Variants in CLMP observed in about 807,000 individuals in gnomAD.
CLMP encodes the protein CXADR like cell adhesion molecule, also known as CXADR-like membrane protein.
A neutral mutation model predicts 45.2 loss-of-function variants in CLMP; 27 were observed. The ratio of observed to expected loss-of-function variants is 0.60; its 90% CI spans 0.44 to 0.82. The LOEUF is 0.82. CLMP is among the 40% of genes least tolerant of loss of function. The pLI is 0.00. For synonymous variants in CLMP, 167 were observed against 171.4 expected (o/e 0.97, Z 0.20); for missense variants, 403 against 448.4 (o/e 0.90, Z 0.91).
intron 1 of CLMP, among the ~76,000 whole-genome samples, chr11:123,132,091 T>A (rs4442564): frequency 1.3e-5 from 2 of 151,838 alleles, no homozygotes; most frequent in African/African-American, 4.8e-5. Context: ...TGCGGGGGGG[T>A]CTATGTGTAA....
chr11:123,174,217 G>A (rs952796549), intron 1 of CLMP, among the ~76,000 whole-genome samples: 1 of 152,194 alleles, frequency 6.6e-6, no homozygotes. Context: ...CTTCCTACAC[G>A]TAATTACATG....
chr11:123,110,418 C>CA (rs1345269669), intron 1 of CLMP, among the ~76,000 whole-genome samples: 1 of 149,430 alleles, frequency 6.7e-6, no homozygotes, highest in Non-Finnish European at 1.5e-5. Context: ...TGTGTCACTG[C>CA]ACACCAGCCT....
At chr11:123,162,896 C>A (rs950842155) in intron 1 of CLMP, among the ~76,000 whole-genome samples, 4 of 150,942 alleles carry the variant, frequency 2.7e-5, no homozygotes, top group Admixed American at 6.6e-5. Context: ...TAGAGTGAGA[C>A]CCTGTCTCAA....
At chr11:123,110,550 T>G (rs1860623962) in intron 1 of CLMP, among the ~76,000 whole-genome samples, 2 of 151,414 alleles carry the variant, frequency 1.3e-5, no homozygotes. Context: ...ACTCAGGAAG[T>G]GCAGGCTGTA....
intron 1 of CLMP, among the ~76,000 whole-genome samples, chr11:123,190,520 T>A (rs1163538356): frequency 6.6e-6 from 1 of 152,190 alleles, no homozygotes; most frequent in South Asian, 2.1e-4. Flanking sequence ...GTGGTATGAT[T>A]TTCCTAGGCT....
chr11:123,118,918 A>ATTTTC (rs1191529818), intron 1 of CLMP, among the ~76,000 whole-genome samples: 2,711 of 130,276 alleles, frequency 0.021, 184 homozygotes, highest in Non-Finnish European at 0.021. Context: ...TGATCTTTGC[A>ATTTTC]TTTTCTTTTC....
At chr11:123,148,944 C>T (rs919831860) in intron 1 of CLMP, among the ~76,000 whole-genome samples, 60 of 152,300 alleles carry the variant, frequency 3.9e-4, no homozygotes, top group Admixed American at 3.7e-3. Context: ...CTACCTCTAC[C>T]GTGTCATGGG....
intron 5 of CLMP, among the ~76,000 whole-genome samples, chr11:123,076,991 C>CT (rs869224079): frequency 0.018 from 1,822 of 99,568 alleles, 15 homozygotes; most frequent in Non-Finnish European, 0.025. Flanking sequence ...GCTATTTATT[C>CT]TTTTTTTTTT....
chr11:123,078,149 G>T (rs756868427), intron 5 of CLMP, among the ~76,000 whole-genome samples: 1 of 152,074 alleles, frequency 6.6e-6, no homozygotes, highest in Non-Finnish European at 1.5e-5. Context: ...TATGTATTTG[G>T]ACACTTGGGG....
chr11:123,135,176 C>T (rs932996825), intron 1 of CLMP, among the ~76,000 whole-genome samples: 2 of 150,332 alleles, frequency 1.3e-5, no homozygotes, highest in Non-Finnish European at 2.9e-5. Context: ...AGGAGAATGG[C>T]TTGAACCCGG....
In CLMP at chr11:123,097,212, T is replaced by C. The variant is rs139624126; in HGVS notation, c.186+583A>G. Among the ~76,000 whole-genome samples the C allele has an allele frequency of 7.5e-4, 113 of 151,390 alleles. 1 individual carries two copies. The highest frequency in any genetic ancestry group is 2.6e-3 in the African/African-American group (109 of 41,182). On this transcript the variant is annotated intron_variant, in intron 2 of 6. Transcript: ENST00000448775. ...CTGTATTGCCCAGGCTCAAGTGCAGTGGCTATTTACAGGTGTGATCATAGC... is the reference window on the plus strand; with the variant it reads ...CTGTATTGCCCAGGCTCAAGTGCAGCGGCTATTTACAGGTGTGATCATAGC...
intron 1 of CLMP, among the ~76,000 whole-genome samples, chr11:123,119,256 T>G (rs1860778664): frequency 6.6e-6 from 1 of 151,760 alleles, no homozygotes; most frequent in Non-Finnish European, 1.5e-5. Flanking sequence ...GCTAATTTTG[T>G]ATTTTTAGTA....
chr11:123,141,974 A>C (rs868041022), intron 1 of CLMP, among the ~76,000 whole-genome samples: 7 of 143,988 alleles, frequency 4.9e-5, no homozygotes, highest in African/African-American at 1.6e-4. Context: ...GCTAACCAAA[A>C]TCCCCCCAGC....
intron 1 of CLMP, among the ~76,000 whole-genome samples, chr11:123,157,247 T>C (rs769695483): frequency 3.3e-5 from 5 of 152,172 alleles, no homozygotes; most frequent in Non-Finnish European, 7.3e-5. Context: ...GCAACCTCTT[T>C]ATATCATGAA....
chr11:123,071,930 C>A lies in CLMP; in HGVS notation c.*1544G>T, dbSNP rs1413238744. ...CTCCCATTCATCAACTCTTCAGCAG[C>A]TATCCTGGTGAGTTATTTTTGCTAA... On this transcript the variant is annotated 3_prime_UTR_variant, in exon 7 of 7. Transcript: ENST00000448775. 2 of 152,244 alleles carry A rather than the reference C, an allele frequency of 1.3e-5. No homozygotes were observed. Among genetic ancestry groups the A allele is most frequent in the African/African-American group, 4.8e-5 (2 of 41,460 alleles). 9.4% of individuals were successfully genotyped at this position (152,244 alleles called of 1,614,324 possible).
At position 123,073,606 on chromosome 11, in the gene CLMP, G is replaced by C; in HGVS notation, c.990C>G (p.Thr330=). 6.2e-7 allele frequency: 1 copy of C among 1,614,216 alleles called. No individual in the cohort carries two copies. Among genetic ancestry groups the C allele is most frequent in the Middle Eastern group, 1.6e-4 (1 of 6,062 alleles). ...TDAAPQPGLA[T]QAYSLVGPEV... ...CTGGCCCCACTAGGCTGTATGCCTG[G>C]GTGGCCAGCCCTGGCTGGGGTGCTG... The change falls in exon 7 of 7, where the codon ACC becomes ACG. Residue 330 remains threonine (T), a synonymous_variant. Transcript: ENST00000448775.
intron 1 of CLMP, among the ~76,000 whole-genome samples, chr11:123,175,754 G>T (rs1379941821): frequency 3.3e-5 from 5 of 152,280 alleles, no homozygotes; most frequent in South Asian, 2.1e-4. Flanking sequence ...CAACTCAATG[G>T]GTTCCATATA....
rs552753029 is a variant in CLMP at position 123,178,852 on chromosome 11, G to A, written c.28+16061C>T. 3.0e-4 allele frequency among the ~76,000 whole-genome samples: 45 copies of A among 152,260 alleles called. No individual in the cohort carries two copies. In the South Asian group the frequency reaches 8.9e-3, roughly 30 times the overall value. On this transcript the variant is annotated intron_variant, in intron 1 of 6. Coordinates refer to ENST00000448775, the MANE Select transcript of CLMP (RefSeq NM_024769.5). ...TCCTCTGAGCCTCAGTTTACGTATT[G>A]GTAGAATGAGGATTGGTGCTTTGTA...
chr11:123,129,346 A>AAT (rs1367445932), intron 1 of CLMP, among the ~76,000 whole-genome samples: 2 of 133,296 alleles, frequency 1.5e-5, no homozygotes, highest in African/African-American at 2.9e-5. Flanking sequence ...ATATATATAA[A>AAT]ATATATCATA....
Sources: gnomAD v4.1 joint callset for allele counts (sites outside exome capture counted in the v4.1 genomes callset) on GRCh38, gnomAD v4.1.1 for gene constraint, MANE v1.5 for transcripts, NCBI Gene and HGNC (gene_info 2026-07-23, HGNC 2026-07-21) for gene names.